Variants in GNB4 observed in about 807,000 individuals in gnomAD.
GNB4 encodes G protein subunit beta 4.
GNB4 carries 28 observed loss-of-function variants against 45.2 expected under a neutral mutation model. The ratio of observed to expected loss-of-function variants is 0.62; its 90% CI spans 0.46 to 0.85. The LOEUF (loss-of-function observed/expected upper bound fraction) is 0.85, where lower values mean the gene tolerates loss of function less well. GNB4 is among the 40% of genes least tolerant of loss of function. The pLI is 0.00. For synonymous variants in GNB4, 132 were observed against 143.7 expected (o/e 0.92, Z 0.58); for missense variants, 321 against 425.4 (o/e 0.75, Z 2.16).
At chr3:179,471,516 G>GTACAGTATTTAGTA in the GNB4 span, among the ~76,000 whole-genome samples, 1 of 152,220 alleles carries the variant, frequency 6.6e-6, no homozygotes, top group East Asian at 1.9e-4. Flanking sequence ...ACAGTGCCAT[G>GTACAGTATTTAGTA]CAGTATAGGC....
chr3:179,412,252 A>G (rs894110344), intron 8 of GNB4, among the ~76,000 whole-genome samples: 2 of 152,074 alleles, frequency 1.3e-5, no homozygotes, highest in East Asian at 3.9e-4. Context: ...AGGATCGCTG[A>G]GCCCAGGAGT....
At chr3:179,489,322 A>G in the GNB4 span, among the ~76,000 whole-genome samples, 1 of 151,976 alleles carries the variant, frequency 6.6e-6, no homozygotes, top group Non-Finnish European at 1.5e-5. Context: ...GCCTCCAGTC[A>G]ACTAACACAC....
intron 1 of GNB4, among the ~76,000 whole-genome samples, chr3:179,439,866 C>T (rs1411412142): frequency 6.6e-6 from 1 of 152,258 alleles, no homozygotes; most frequent in African/African-American, 2.4e-5. Flanking sequence ...ATATCCTTAA[C>T]TTTGGCAAAT....
chr3:179,521,415 C>T, the GNB4 span, among the ~76,000 whole-genome samples: 3 of 152,224 alleles, frequency 2.0e-5, no homozygotes, highest in African/African-American at 7.2e-5. Flanking sequence ...CTACAGGGTA[C>T]AGCCCATTTG....
the GNB4 span, among the ~76,000 whole-genome samples, chr3:179,466,799 A>G: frequency 2.2e-4 from 34 of 152,254 alleles, no homozygotes; most frequent in Non-Finnish European, 4.1e-4. Flanking sequence ...AGGTAAAATT[A>G]CAGTGATCAA....
chr3:179,401,455 A>C (rs1253854201), intron 9 of GNB4, 136 bp from the exon 10 acceptor site: 3 of 402,350 alleles, frequency 7.5e-6, no homozygotes, highest in Non-Finnish European at 1.3e-5. Context: ...AAATAATAAT[A>C]ATTTAAAAGA....
intron 1 of GNB4, among the ~76,000 whole-genome samples, chr3:179,432,463 A>G (rs1352104123): frequency 1.3e-5 from 2 of 152,192 alleles, no homozygotes; most frequent in Non-Finnish European, 2.9e-5. Context: ...CCAATAAAGC[A>G]TGAATCTAGC....
chr3:179,451,073 C>A (rs1045546438), intron 1 of GNB4: 3 of 152,160 alleles, frequency 2.0e-5, no homozygotes, highest in Admixed American at 1.3e-4. Context: ...CCTCGCTCCC[C>A]GGGGCGAGCG....
At chr3:179,489,007 A>ATAT in the GNB4 span, among the ~76,000 whole-genome samples, 5 of 37,246 alleles carry the variant, frequency 1.3e-4, no homozygotes, top group African/African-American at 6.0e-4. Flanking sequence ...AAAAAAAAAA[A>ATAT]AAAAAAAAAA....
chr3:179,503,972 G>A, the GNB4 span, among the ~76,000 whole-genome samples: 2 of 152,042 alleles, frequency 1.3e-5, no homozygotes, highest in Admixed American at 6.6e-5. Context: ...ACTAAACAGG[G>A]GAATGGCTCT....
chr3:179,485,000 GTTTTGTTTTTTTTTTT>G, the GNB4 span, among the ~76,000 whole-genome samples: 2 of 124,216 alleles, frequency 1.6e-5, no homozygotes, highest in Admixed American at 8.3e-5. Flanking sequence ...AACTTTTTTC[GTTTTGTTTTTTTTTTT>G]TTTTTTTTTT....
chr3:179,450,104 A>G (rs1162940416), intron 1 of GNB4, among the ~76,000 whole-genome samples: 1 of 152,094 alleles, frequency 6.6e-6, no homozygotes. Flanking sequence ...CAATAAGATG[A>G]TATTTTAAAA....
the GNB4 span, among the ~76,000 whole-genome samples, chr3:179,468,035 A>AAAAAAAAAAATAT: frequency 7.0e-4 from 63 of 89,862 alleles, 5 homozygotes; most frequent in Middle Eastern, 6.4e-3. Context: ...TGTTGATAAA[A>AAAAAAAAAAATAT]ATATATATAT....
At chr3:179,404,419 T>TGTAAG (rs779132888) in intron 9 of GNB4, among the ~76,000 whole-genome samples, 3 of 152,088 alleles carry the variant, frequency 2.0e-5, no homozygotes, top group Admixed American at 6.5e-5. Flanking sequence ...TTTAGAGATA[T>TGTAAG]GTAAGTAAGC....
In GNB4 at chr3:179,397,837, A is replaced by C. The variant is rs1301779052; in HGVS notation, c.*3376T>G. Reference sequence around the variant, plus strand: ...CCAAAACCTCCACCTCCTGAGTTCAAGTAATTCTCTGCCTCAGCCTCACGA... The same window carrying C: ...CCAAAACCTCCACCTCCTGAGTTCACGTAATTCTCTGCCTCAGCCTCACGA... On this transcript the variant is annotated 3_prime_UTR_variant, in exon 10 of 10. Transcript: ENST00000232564. 4 of 150,260 alleles carry C rather than the reference A, an allele frequency of 2.7e-5. No individual in the cohort carries two copies. Among genetic ancestry groups the C allele is most frequent in the Admixed American group, 2.6e-4 (4 of 15,234 alleles). The allele number at this position is 150,260 out of a possible 1,614,324, so 9.3% of individuals were successfully genotyped here.
the GNB4 span, among the ~76,000 whole-genome samples, chr3:179,509,653 CTTT>C: frequency 2.1e-5 from 3 of 141,408 alleles, no homozygotes; most frequent in African/African-American, 7.7e-5. Context: ...TCCCTTCCCT[CTTT>C]TTTTTTTTTT....
the GNB4 span, among the ~76,000 whole-genome samples, chr3:179,487,873 A>ACC: frequency 6.6e-6 from 1 of 152,082 alleles, no homozygotes; most frequent in Non-Finnish European, 1.5e-5. Context: ...AACATGGTGA[A>ACC]ACCCCATCTC....
rs762690340 is a variant in GNB4, at chr3:179,413,589, G to C, written c.522C>G (p.Ala174=). ...GCCCAGTGAATGTGGTGGTCTGCTG[G>C]GCAGTTTCGATGTCCCATAAAGCAC... ...TTCALWDIET[A]QQTTTFTGHS... is the part of the protein sequence containing the mutation. The change falls in exon 8 of 10, where the codon GCC becomes GCG. Residue 174 remains alanine (A), a synonymous_variant. Transcript: ENST00000232564. 14 of 1,614,068 alleles carry C rather than the reference G, an allele frequency of 8.7e-6. No homozygotes were observed. Among genetic ancestry groups the C allele is most frequent in the Non-Finnish European group, 1.2e-5 (14 of 1,180,006 alleles).
chr3:179,440,141 T>C (rs1396462068), intron 1 of GNB4, among the ~76,000 whole-genome samples: 1 of 152,164 alleles, frequency 6.6e-6, no homozygotes, highest in African/African-American at 2.4e-5. Context: ...ATTAATTCCT[T>C]GACATATTTC....
Sources: allele counts gnomAD v4.1 joint callset (sites outside exome capture counted in the v4.1 genomes callset), GRCh38; gene constraint gnomAD v4.1.1; transcripts MANE v1.5; gene names NCBI Gene and HGNC (gene_info 2026-07-23, HGNC 2026-07-21).